Variants in ARHGEF38 observed in about 807,000 individuals in gnomAD.
ARHGEF38 encodes the protein Rho guanine nucleotide exchange factor (GEF) 38.
Under a neutral mutation model 79.9 loss-of-function variants are expected in ARHGEF38, and 79 were observed. The observed-to-expected ratio is 0.99, with a 90% confidence interval of 0.82 to 1.19. ARHGEF38 has a LOEUF of 1.19. ARHGEF38 is among the 50% of genes most tolerant of loss of function. ARHGEF38 has a pLI of 0.00. For missense variants in ARHGEF38, 962 were observed against 907.2 expected (o/e 1.06, Z -0.78); for synonymous variants, 366 against 328.3 (o/e 1.11, Z -1.24).
intron 3 of ARHGEF38, among the ~76,000 whole-genome samples, chr4:105,617,243 A>G (rs1488110902): frequency 2.0e-5 from 3 of 152,208 alleles, no homozygotes; most frequent in Admixed American, 2.0e-4. Flanking sequence ...GTGACTGCAA[A>G]TGATAACATA....
intron 2 of ARHGEF38, among the ~76,000 whole-genome samples, chr4:105,592,743 C>T (rs1183018045): frequency 6.6e-6 from 1 of 152,152 alleles, no homozygotes; most frequent in Non-Finnish European, 1.5e-5. Flanking sequence ...CCTTTTTCTT[C>T]TCTCAGCTTA....
chr4:105,568,472 C>G (rs988314875), intron 1 of ARHGEF38, among the ~76,000 whole-genome samples: 2 of 152,018 alleles, frequency 1.3e-5, no homozygotes, highest in Non-Finnish European at 2.9e-5. Context: ...CCATTTGACC[C>G]AGCCATCCCA....
intron 13 of ARHGEF38, among the ~76,000 whole-genome samples, chr4:105,671,317 A>G (rs559253135): frequency 1.4e-4 from 21 of 152,328 alleles, no homozygotes; most frequent in African/African-American, 4.6e-4. Flanking sequence ...GTGCAGGGAA[A>G]AAGTCTGTCC....
rs769017240 is a variant in ARHGEF38 at position 105,631,057 on chromosome 4, T to C, written c.656+12T>C. The C allele has an allele frequency of 2.3e-5, 37 of 1,599,476 alleles. 1 individual carries two copies. The South Asian group carries it at 4.0e-4, about 17-fold the overall frequency. ...ATCCAGTCCTTAAAGTAAGGCCTTT[T>C]CAAATGATGATTCCCATCTCCTCTC... On this transcript the variant is annotated intron_variant, in intron 4 of 13. Coordinates refer to ENST00000420470, the MANE Select transcript of ARHGEF38 (RefSeq NM_001242729.2).
chr4:105,589,907 C>A (rs1274293938), intron 2 of ARHGEF38, among the ~76,000 whole-genome samples: 1 of 151,768 alleles, frequency 6.6e-6, no homozygotes, highest in African/African-American at 2.4e-5. Flanking sequence ...GGCATGGTGG[C>A]ACACGCCTGT....
At chr4:105,606,464 T>A (rs973941670) in intron 2 of ARHGEF38, among the ~76,000 whole-genome samples, 6 of 152,084 alleles carry the variant, frequency 3.9e-5, no homozygotes, top group Non-Finnish European at 8.8e-5. Flanking sequence ...AGAACAGCAA[T>A]ATCCAATTGA....
intron 3 of ARHGEF38, among the ~76,000 whole-genome samples, chr4:105,622,378 C>T (rs1224678211): frequency 2.6e-5 from 4 of 152,126 alleles, no homozygotes; most frequent in African/African-American, 9.7e-5. Flanking sequence ...TTCCCAGCCT[C>T]CAGGAAGCTA....
At chr4:105,618,562 A>C (rs973617908) in intron 3 of ARHGEF38, among the ~76,000 whole-genome samples, 1 of 152,236 alleles carries the variant, frequency 6.6e-6, no homozygotes, top group South Asian at 2.1e-4. Flanking sequence ...TAGAAGTTCC[A>C]GTGAGCTGAG....
intron 2 of ARHGEF38, among the ~76,000 whole-genome samples, chr4:105,607,606 G>T (rs1465610288): frequency 2.0e-5 from 3 of 152,036 alleles, no homozygotes; most frequent in Admixed American, 6.6e-5. Flanking sequence ...TTCCATATAA[G>T]CAGGGAGTAA....
intron 2 of ARHGEF38, among the ~76,000 whole-genome samples, chr4:105,602,611 T>C (rs1247773171): frequency 6.6e-6 from 1 of 152,086 alleles, no homozygotes; most frequent in Non-Finnish European, 1.5e-5. Flanking sequence ...AGAGCCTGCA[T>C]TGACCCTAAG....
intron 1 of ARHGEF38, among the ~76,000 whole-genome samples, chr4:105,567,524 A>G (rs150862771): frequency 5.9e-5 from 9 of 152,324 alleles, no homozygotes; most frequent in Admixed American, 3.3e-4. Flanking sequence ...GTTGAACACA[A>G]TTAAGTCTTG....
At chr4:105,627,553 T>C (rs1447921651) in intron 3 of ARHGEF38, among the ~76,000 whole-genome samples, 2 of 152,250 alleles carry the variant, frequency 1.3e-5, no homozygotes, top group Non-Finnish European at 2.9e-5. Flanking sequence ...TTTTTTCTCC[T>C]TTGCATGGCG....
At chr4:105,591,777 C>T (rs1438147002) in intron 2 of ARHGEF38, among the ~76,000 whole-genome samples, 1 of 152,180 alleles carries the variant, frequency 6.6e-6, no homozygotes, top group Non-Finnish European at 1.5e-5. Flanking sequence ...TAATCCCCCA[C>T]AGTTCCCACG....
intron 1 of ARHGEF38, among the ~76,000 whole-genome samples, chr4:105,555,513 T>A (rs1387097134): frequency 6.6e-6 from 1 of 152,144 alleles, no homozygotes; most frequent in Non-Finnish European, 1.5e-5. Flanking sequence ...CTCTTTATTA[T>A]TCAAATGCCG....
intron 13 of ARHGEF38, among the ~76,000 whole-genome samples, chr4:105,676,259 G>A (rs936823686): frequency 4.6e-5 from 7 of 152,078 alleles, no homozygotes; most frequent in African/African-American, 1.7e-4. Flanking sequence ...TTGTTTTCAT[G>A]TATTCATCTC....
At chr4:105,589,883 CA>C (rs1727241550) in intron 2 of ARHGEF38, among the ~76,000 whole-genome samples, 1 of 151,454 alleles carries the variant, frequency 6.6e-6, no homozygotes, top group Non-Finnish European at 1.5e-5. Context: ...TTACAAAATA[CA>C]AAAAATTAGC....
chr4:105,681,106 C>T (rs1224022332), downstream of ARHGEF38: 2 of 151,876 alleles, frequency 1.3e-5, no homozygotes, highest in African/African-American at 4.8e-5. Context: ...AAATCTGTTT[C>T]TCAAAGCAAA....
intron 3 of ARHGEF38, among the ~76,000 whole-genome samples, chr4:105,614,884 C>T (rs1728449578): frequency 6.6e-6 from 1 of 152,174 alleles, no homozygotes; most frequent in Admixed American, 6.5e-5. Flanking sequence ...AATCAAACAG[C>T]TTCTTGAATT....
chr4:105,595,529 A>G (rs72669969), intron 2 of ARHGEF38, among the ~76,000 whole-genome samples: 22,852 of 152,134 alleles, frequency 0.15, 1,800 homozygotes, highest in Middle Eastern at 0.17. Context: ...AAGCACAATA[A>G]TTATTTTGGC....
Sources: allele counts gnomAD v4.1 joint callset (sites outside exome capture counted in the v4.1 genomes callset), GRCh38; gene constraint gnomAD v4.1.1; transcripts MANE v1.5; gene names NCBI Gene and HGNC (gene_info 2026-07-23, HGNC 2026-07-21).